Variants in SREK1 observed in about 807,000 individuals in gnomAD.
The protein encoded by SREK1 is splicing regulatory glutamine/lysine-rich protein 1.
In SREK1, 13 loss-of-function variants were observed where a neutral mutation model predicts 66.5. The observed-to-expected ratio is 0.20, with a 90% CI of 0.13 to 0.31. The LOEUF (loss-of-function observed/expected upper bound fraction) is 0.31. SREK1 is among the 10% of genes least tolerant of loss of function. The pLI, the probability that SREK1 is intolerant of heterozygous loss-of-function variation, is 1.00. For missense variants in SREK1, 607 were observed against 769.6 expected (o/e 0.79, Z 2.50); for synonymous variants, 265 against 263.5 (o/e 1.01, Z -0.05).
chr5:66,144,688 G>A (rs550775078), intron 1 of SREK1, 151 bp downstream of exon 1: 3 of 1,346,352 alleles, frequency 2.2e-6, no homozygotes, highest in South Asian at 3.1e-5. Context: ...TAGGGCACCC[G>A]GGTTCCGCCG....
At chr5:66,157,405 A>C in intron 2 of SREK1, 1 of 984,646 alleles carries the variant, frequency 1.0e-6, no homozygotes, top group Non-Finnish European at 1.2e-6. Context: ...ACTAGATTAG[A>C]ACTCTGAGTT....
intron 1 of SREK1, among the ~76,000 whole-genome samples, chr5:66,145,865 C>T (rs1743148027): frequency 6.6e-6 from 1 of 150,574 alleles, no homozygotes. Flanking sequence ...AGGACAGTCC[C>T]GTCCCCTTTT....
chr5:66,169,241 T>TA (rs1745420949), intron 7 of SREK1: 1 of 152,242 alleles, frequency 6.6e-6, no homozygotes, highest in African/African-American at 2.4e-5. Flanking sequence ...TTCCTGCAAT[T>TA]AAACGTTTCC....
chr5:66,170,451 A>G (rs1745537765), intron 8 of SREK1, 134 bp from the exon 9 acceptor site: 8 of 1,220,732 alleles, frequency 6.6e-6, no homozygotes, highest in East Asian at 2.3e-5. Context: ...CACCTGAGCT[A>G]TATAAAAATG....
rs1414902956 is a variant in SREK1, at chr5:66,180,070, A to G, written c.*1202A>G. On this transcript the variant is annotated 3_prime_UTR_variant, in exon 12 of 12. Transcript: ENST00000334121. Reference sequence around the variant, plus strand: ...CATTGGATGGCCTTATTACCTCTCAATCATCTTTTCATAAATGATGTGCAG... The same window carrying G: ...CATTGGATGGCCTTATTACCTCTCAGTCATCTTTTCATAAATGATGTGCAG... 2.0e-5 allele frequency: 3 copies of G among 152,556 alleles called. No homozygotes were observed. Among genetic ancestry groups the G allele is most frequent in the Non-Finnish European group, 2.9e-5 (2 of 67,982 alleles). 9.5% of individuals were successfully genotyped at this position (152,556 alleles called of 1,614,324 possible).
At chr5:66,150,102 TG>T (rs2111939964) in intron 1 of SREK1, among the ~76,000 whole-genome samples, 1 of 152,362 alleles carries the variant, frequency 6.6e-6, no homozygotes, top group Non-Finnish European at 1.5e-5. Context: ...CTAGCTCATT[TG>T]GTCGAGCCTG....
Position 66,170,619 on chromosome 5 carries a change from G to A in SREK1, c.1156G>A (p.Glu386Lys). 6.2e-7 allele frequency: 1 copy of A among 1,609,324 alleles called. No individual in the cohort carries two copies. The highest frequency in any genetic ancestry group is 8.5e-7 in the Non-Finnish European group (1 of 1,178,898). The change falls in exon 9 of 12, where the codon GAA (glutamate) becomes AAA (lysine). Residue 386 changes from glutamate to lysine, a missense_variant. Physicochemically the swap from Glu to Lys is moderately conservative, Grantham distance 56 (BLOSUM62 1). Transcript: ENST00000334121. Reference sequence around the variant, plus strand: ...AAAAGACACTCGAGAAAAGATCAAGGAAAAGGAAAGAGTGAAAGAGAAAGA... The same window carrying A: ...AAAAGACACTCGAGAAAAGATCAAGAAAAAGGAAAGAGTGAAAGAGAAAGA... ...KRKDTREKIK[E>K]KERVKEKDRE... is the part of the protein sequence containing the mutation.
chr5:66,157,625 T>G (rs1475240318), intron 2 of SREK1: 3 of 968,654 alleles, frequency 3.1e-6, no homozygotes, highest in East Asian at 2.3e-4. Flanking sequence ...TAAAGCAGAT[T>G]ATTGTTATTT....
intron 1 of SREK1, among the ~76,000 whole-genome samples, chr5:66,150,194 C>T (rs1226814238): frequency 1.3e-5 from 2 of 152,154 alleles, no homozygotes; most frequent in African/African-American, 4.8e-5. Context: ...GCTAGAGAAG[C>T]TTATAGGATC....
intron 3 of SREK1, among the ~76,000 whole-genome samples, chr5:66,161,245 TTCTC>T (rs1744735663): frequency 6.6e-6 from 1 of 152,212 alleles, no homozygotes; most frequent in Non-Finnish European, 1.5e-5. Flanking sequence ...GTACAGTTGA[TTCTC>T]ATTCTTTGTG....
rs752843408 is a variant in SREK1 at position 66,170,189 on chromosome 5, A to G, written c.1121+19A>G. ...ATTCACGGTGAGTTTTAGAGAAATT[A>G]ACAATAATTTTTTTTTCCTCAGAGT... is the stretch of plus-strand genomic sequence containing the variant. On this transcript the variant is annotated intron_variant, in intron 8 of 11. Transcript: ENST00000334121. 1 of 1,599,082 alleles carries G rather than the reference A, an allele frequency of 6.3e-7. No individual in the cohort carries two copies. Among genetic ancestry groups the G allele is most frequent in the South Asian group, 1.1e-5 (1 of 88,008 alleles).
intron 2 of SREK1, chr5:66,157,810 G>A (rs1744418101): frequency 9.2e-6 from 6 of 654,824 alleles, no homozygotes; most frequent in Non-Finnish European, 1.1e-5. Context: ...TATAAATAAG[G>A]CATAGCCATT....
At chr5:66,161,405 T>C (rs531334194) in intron 3 of SREK1, among the ~76,000 whole-genome samples, 2 of 152,308 alleles carry the variant, frequency 1.3e-5, no homozygotes, top group African/African-American at 4.8e-5. Context: ...GTCGAAATCT[T>C]CTTGTTTTGG....
At chr5:66,149,681 G>C (rs1285659671) in intron 1 of SREK1, among the ~76,000 whole-genome samples, 1 of 152,218 alleles carries the variant, frequency 6.6e-6, no homozygotes, top group Non-Finnish European at 1.5e-5. Flanking sequence ...TGTTGCTTCA[G>C]AGATGACTGT....
In SREK1 at chr5:66,144,873, C is replaced by T. The variant is rs1743019478; in HGVS notation, c.161+336C>T. 5 of 1,029,648 alleles carry T rather than the reference C, an allele frequency of 4.9e-6. No homozygotes were observed. In the African/African-American group the frequency reaches 5.1e-5, roughly 11 times the overall value. 63.8% of individuals were successfully genotyped at this position (1,029,648 alleles called of 1,614,324 possible). On this transcript the variant is annotated intron_variant, in intron 1 of 11. Transcript: ENST00000334121. ...AACTTAAGATGGCCGCAGGTGGGCC[C>T]GGAACAGCCCTCATGGCAAACGTCT... is the stretch of plus-strand genomic sequence containing the variant.
chr5:66,158,007 A>G (rs1744432229), intron 2 of SREK1: 1 of 152,334 alleles, frequency 6.6e-6, no homozygotes, highest in African/African-American at 2.4e-5. Flanking sequence ...GATTTTGTGC[A>G]TTGTCTTTTA....
At chr5:66,172,824 A>ATTTTTTTT (rs762670649) in intron 9 of SREK1, among the ~76,000 whole-genome samples, 1 of 118,234 alleles carries the variant, frequency 8.5e-6, no homozygotes, top group Non-Finnish European at 1.7e-5. Context: ...ATTTCTTTGA[A>ATTTTTTTT]TTTTTTTTTT....
chr5:66,157,522 A>G, intron 2 of SREK1: 3 of 984,598 alleles, frequency 3.0e-6, no homozygotes, highest in Non-Finnish European at 3.6e-6. Context: ...ATACCAATTT[A>G]TAACAGATAA....
At position 66,181,908 on chromosome 5, in the gene SREK1, G is replaced by GGC. The variant is rs1746527729; in HGVS notation, c.*3041_*3042insCG. The GGC allele has an allele frequency of 7.7e-6, 1 of 129,308 alleles. No individual in the cohort carries two copies. The highest frequency in any genetic ancestry group is 7.9e-5 in the Admixed American group (1 of 12,670). The allele number at this position is 129,308 out of a possible 1,614,324, so 8.0% of individuals were successfully genotyped here. A position where few individuals can be genotyped will look rare whatever the true frequency, so the allele number is the denominator to read the frequency against. ...TGAAAAGGTTTTTTTGTCGGGGGGG[G>GGC]GGGGGTCAAGAGAATTTATTTTGTG... On this transcript the variant is annotated 3_prime_UTR_variant, in exon 12 of 12. Coordinates refer to ENST00000334121, the MANE Select transcript of SREK1 (RefSeq NM_001077199.3).
Sources: allele counts gnomAD v4.1 joint callset (sites outside exome capture counted in the v4.1 genomes callset), GRCh38; gene constraint gnomAD v4.1.1; transcripts MANE v1.5; gene names NCBI Gene and HGNC (gene_info 2026-07-23, HGNC 2026-07-21).